The following CDH8 variants were observed in gnomAD, a reference collection of about 807,000 sequenced individuals.
CDH8 encodes cadherin-8.
Under a neutral mutation model 68.1 loss-of-function variants are expected in CDH8, and 17 were observed. The observed-to-expected ratio is 0.25, with a 90% CI of 0.17 to 0.37. The LOEUF is 0.37. CDH8 is among the 10% of genes least tolerant of loss of function. The pLI, the probability that CDH8 is intolerant of heterozygous loss-of-function variation, is 1.00. For synonymous variants in CDH8, 372 were observed against 365.1 expected (o/e 1.02, Z -0.21); for missense variants, 763 against 999.3 (o/e 0.76, Z 3.19).
intron 7 of CDH8, among the ~76,000 whole-genome samples, chr16:61,807,700 A>G (rs1961828796): frequency 6.6e-6 from 1 of 151,972 alleles, no homozygotes; most frequent in South Asian, 2.1e-4. Context: ...GAAAATCCCC[A>G]CTCCAGAGGT....
intron 7 of CDH8, among the ~76,000 whole-genome samples, chr16:61,810,200 C>T (rs141554641): frequency 2.0e-5 from 3 of 152,300 alleles, no homozygotes; most frequent in African/African-American, 7.2e-5. Context: ...TTCTTTCTCA[C>T]TGCTTAATTT....
chr16:61,794,287 CA>C (rs1357095996), intron 7 of CDH8, among the ~76,000 whole-genome samples: 1 of 151,840 alleles, frequency 6.6e-6, no homozygotes, highest in Non-Finnish European at 1.5e-5. Context: ...AATCTCCTCA[CA>C]AAAAACACGG....
At chr16:61,905,037 T>C (rs1202755826) in intron 2 of CDH8, among the ~76,000 whole-genome samples, 1 of 152,228 alleles carries the variant, frequency 6.6e-6, no homozygotes, top group African/African-American at 2.4e-5. Context: ...ATTCGTTTCA[T>C]CTGGAAACCA....
At chr16:62,016,944 C>T (rs1901956049) in intron 2 of CDH8, among the ~76,000 whole-genome samples, 1 of 152,110 alleles carries the variant, frequency 6.6e-6, no homozygotes, top group Admixed American at 6.6e-5. Context: ...TGCCCACTAC[C>T]TCAAAGAAAG....
intron 2 of CDH8, among the ~76,000 whole-genome samples, chr16:61,912,182 A>G (rs1268927227): frequency 6.6e-6 from 1 of 152,110 alleles, no homozygotes; most frequent in Non-Finnish European, 1.5e-5. Context: ...GTATGGGGCA[A>G]TCAAAATGCT....
At chr16:61,953,784 G>A (rs1009618687) in intron 2 of CDH8, among the ~76,000 whole-genome samples, 1 of 150,686 alleles carries the variant, frequency 6.6e-6, no homozygotes, top group African/African-American at 2.4e-5. Context: ...CGGGAGAATC[G>A]CTTGAGCCCA....
intron 7 of CDH8, among the ~76,000 whole-genome samples, chr16:61,798,474 G>A (rs1378079529): frequency 2.0e-5 from 3 of 152,112 alleles, no homozygotes; most frequent in Admixed American, 6.6e-5. Flanking sequence ...TTTCACCCTA[G>A]CTATCTAGCT....
intron 7 of CDH8, among the ~76,000 whole-genome samples, chr16:61,797,605 T>C (rs1961528634): frequency 6.6e-6 from 1 of 152,136 alleles, no homozygotes; most frequent in Non-Finnish European, 1.5e-5. Flanking sequence ...GGTTAAGGTA[T>C]GCCCCAAATG....
chr16:61,847,538 TTATATATATATATATATATA>T (rs56946081), intron 4 of CDH8, among the ~76,000 whole-genome samples: 3 of 136,750 alleles, frequency 2.2e-5, no homozygotes, highest in Non-Finnish European at 3.2e-5. Context: ...TCCAATCATT[TTATATATATATATATATATA>T]TATATATATA....
At chr16:61,775,709 C>G (rs1036386335) in intron 8 of CDH8, among the ~76,000 whole-genome samples, 1 of 151,896 alleles carries the variant, frequency 6.6e-6, no homozygotes, top group Non-Finnish European at 1.5e-5. Flanking sequence ...GCTAAAGCAC[C>G]CCGGACTAAA....
At chr16:61,792,642 T>C (rs905017253) in intron 7 of CDH8, among the ~76,000 whole-genome samples, 2 of 152,020 alleles carry the variant, frequency 1.3e-5, no homozygotes, top group Non-Finnish European at 2.9e-5. Context: ...GTAACACAAC[T>C]GTTAAACAGC....
At chr16:61,952,711 T>C (rs1343260234) in intron 2 of CDH8, among the ~76,000 whole-genome samples, 1 of 152,194 alleles carries the variant, frequency 6.6e-6, no homozygotes, top group African/African-American at 2.4e-5. Context: ...AATTATGCAA[T>C]GTTTATTAGG....
intron 10 of CDH8, among the ~76,000 whole-genome samples, chr16:61,700,342 G>A (rs1012471551): frequency 2.0e-5 from 3 of 150,308 alleles, no homozygotes; most frequent in African/African-American, 4.9e-5. Flanking sequence ...GTGCAGTGGC[G>A]TGCTCTTGGC....
chr16:61,697,635 G>T (rs148287056), intron 10 of CDH8, among the ~76,000 whole-genome samples: 20 of 152,154 alleles, frequency 1.3e-4, no homozygotes, highest in African/African-American at 4.6e-4. Context: ...TGAGTAGCTG[G>T]GATTGCAGGC....
At chr16:62,024,745 C>T (rs1353718095) in intron 1 of CDH8, among the ~76,000 whole-genome samples, 3 of 152,178 alleles carry the variant, frequency 2.0e-5, no homozygotes, top group Non-Finnish European at 4.4e-5. Flanking sequence ...TAATGCCTTG[C>T]TTTGTTGTGT....
intron 8 of CDH8, among the ~76,000 whole-genome samples, chr16:61,734,943 G>C (rs950405369): frequency 1.3e-5 from 2 of 152,074 alleles, no homozygotes; most frequent in Non-Finnish European, 2.9e-5. Flanking sequence ...CAAGGTCTCA[G>C]TGGTGCCACA....
At chr16:61,880,208 G>A (rs889280961) in intron 3 of CDH8, among the ~76,000 whole-genome samples, 4 of 152,188 alleles carry the variant, frequency 2.6e-5, no homozygotes, top group African/African-American at 9.7e-5. Flanking sequence ...ATAGGTGTAA[G>A]CCACCGTGCC....
intron 2 of CDH8, among the ~76,000 whole-genome samples, chr16:61,972,571 G>GT (rs1965358072): frequency 7.6e-6 from 1 of 131,468 alleles, no homozygotes; most frequent in African/African-American, 2.8e-5. Context: ...ACACATTGTG[G>GT]GTGTGTGTGT....
At chr16:61,788,891 AAAT>A (rs1379454430) in intron 8 of CDH8, among the ~76,000 whole-genome samples, 1 of 152,002 alleles carries the variant, frequency 6.6e-6, no homozygotes, top group African/African-American at 2.4e-5. Context: ...CTCCTACCCA[AAAT>A]AATACATATT....
Sources: gnomAD v4.1 joint callset for allele counts (sites outside exome capture counted in the v4.1 genomes callset) on GRCh38, gnomAD v4.1.1 for gene constraint, MANE v1.5 for transcripts, NCBI Gene and HGNC (gene_info 2026-07-23, HGNC 2026-07-21) for gene names.